Variants in C1orf159 observed in about 807,000 individuals in gnomAD.
C1orf159 encodes the protein chromosome 1 open reading frame 159.
Under a neutral mutation model 25.6 loss-of-function variants are expected in C1orf159, and 19 were observed. That is an observed-to-expected ratio of 0.74 (90% CI 0.52 to 1.09). The LOEUF (loss-of-function observed/expected upper bound fraction) is 1.09. Ranked by LOEUF, C1orf159 falls within the 50% of genes least tolerant of loss-of-function variation. C1orf159 has a pLI of 0.00. For synonymous variants in C1orf159, 139 were observed against 124.7 expected, an observed-to-expected ratio of 1.12 and a Z score of -0.77; for missense variants, 274 against 290.6, an observed-to-expected ratio of 0.94 and a Z score of 0.42.
chr1:1,088,493 C>T (rs879655518), intron 4 of C1orf159, among the ~76,000 whole-genome samples: 55 of 150,258 alleles, frequency 3.7e-4, no homozygotes, highest in African/African-American at 1.2e-3. Flanking sequence ...GTCACCTCCA[C>T]ACCCTGGCAC....
At chr1:1,096,404 G>A (rs1262807379) in intron 1 of C1orf159, among the ~76,000 whole-genome samples, 2 of 151,898 alleles carry the variant, frequency 1.3e-5, no homozygotes, top group Non-Finnish European at 2.9e-5. Flanking sequence ...CTGGCCTCAG[G>A]TGATCCTCCT....
At chr1:1,091,712 TGTG>T in intron 2 of C1orf159, 147 bp from the exon 3 acceptor site, 3 of 301,980 alleles carry the variant, frequency 9.9e-6, no homozygotes, top group South Asian at 7.4e-5. Flanking sequence ...TGGGTGGGGC[TGTG>T]GTGGAGGGTG....
In C1orf159 at chr1:1,089,078, C is replaced by A. The variant is rs796696958; in HGVS notation, c.148+1275G>T. ...GCGCAGCACTGTCCCCAGAAGTGCC[C>A]GCTGCCTCCCCGAGCGGAGACGTGA... On this transcript the variant is annotated intron_variant, in intron 4 of 9. Transcript: ENST00000421241. The surrounding 1 kb of genome is among the most constrained non-coding windows in gnomAD (Gnocchi z 7.5). Among the ~76,000 whole-genome samples, 2 of 152,182 alleles carry A rather than the reference C, an allele frequency of 1.3e-5. No individual in the cohort carries two copies. The highest frequency in any genetic ancestry group is 1.3e-4 in the Admixed American group (2 of 15,284).
At chr1:1,088,208 C>CT (rs1199134460) in intron 4 of C1orf159, among the ~76,000 whole-genome samples, 3 of 96,180 alleles carry the variant, frequency 3.1e-5, no homozygotes, top group Non-Finnish European at 6.4e-5. Context: ...GGACCCCCCC[C>CT]CCATGGCCTC....
rs534904834 is a variant in C1orf159, at chr1:1,089,483, C to T, written c.148+870G>A. 3.3e-5 allele frequency among the ~76,000 whole-genome samples: 5 copies of T among 152,082 alleles called. No homozygotes were observed. The highest frequency in any genetic ancestry group is 2.1e-4 in the South Asian group (1 of 4,828). ...GCGGTGCCCTCCTCCTCCTACCCTG[C>T]GTGTGCCTCAGATGTCATCACTGCC... On this transcript the variant is annotated intron_variant, in intron 4 of 9. Transcript: ENST00000421241. This position sits in a 1 kb window ranked among gnomAD's most constrained non-coding sequence, Gnocchi z 7.5.
At chr1:1,102,071 CAAAAAAA>C (rs1237729417) in intron 1 of C1orf159, among the ~76,000 whole-genome samples, 7 of 39,978 alleles carry the variant, frequency 1.8e-4, no homozygotes, top group South Asian at 1.2e-3. Flanking sequence ...AACTCTGTCT[CAAAAAAA>C]AAAAAAAAAA....
chr1:1,089,879 C>T lies in C1orf159; in HGVS notation c.148+474G>A, dbSNP rs563378717. On this transcript the variant is annotated intron_variant, in intron 4 of 9. Coordinates refer to ENST00000421241, the MANE Select transcript of C1orf159 (RefSeq NM_017891.5). The surrounding 1 kb of genome is among the most constrained non-coding windows in gnomAD (Gnocchi z 7.5). ...GCAGCCTCCCAGAACCTCTGATGAA[C>T]AGGGCCTGCCCGTGGCACGCTGACA... 6.6e-6 allele frequency among the ~76,000 whole-genome samples: 1 copy of T among 152,242 alleles called. No individual in the cohort carries two copies. Among genetic ancestry groups the T allele is most frequent in the Non-Finnish European group, 1.5e-5 (1 of 68,050 alleles).
At chr1:1,091,961 G>C (rs972409038) in intron 2 of C1orf159, 30 bp downstream of exon 2, 12 of 456,866 alleles carry the variant, frequency 2.6e-5, no homozygotes, top group Admixed American at 1.4e-4. Context: ...TTGGAGGCAC[G>C]GGTGGGGCGA....
chr1:1,093,698 CTGCCAG>C (rs1180047370), intron 1 of C1orf159, among the ~76,000 whole-genome samples: 1 of 152,268 alleles, frequency 6.6e-6, no homozygotes, highest in African/African-American at 2.4e-5. Flanking sequence ...TGCCCATCAC[CTGCCAG>C]TGGGTGCCTG....
At position 1,084,366 on chromosome 1, in the gene C1orf159, C is replaced by A. The variant is rs750125410; in HGVS notation, c.489G>T (p.Pro163=). 7.0e-6 allele frequency: 11 copies of A among 1,563,142 alleles called. No individual in the cohort carries two copies. The African/African-American group carries it at 9.6e-5, about 14-fold the overall frequency. The change falls in exon 9 of 10, where the codon CCG becomes CCT. Residue 163 remains proline, a synonymous_variant. Coordinates refer to ENST00000421241, the MANE Select transcript of C1orf159 (RefSeq NM_017891.5). ...QPGEAAAMIP[P]PQSSVRKPRY... is the part of the protein sequence containing the mutation. ...AGCTGCTGTTACCTGAGGACTGTGG[C>A]GGGGGGATCATTGCAGCCTTGAAAA...
At chr1:1,109,980 C>T (rs1338308240) in intron 1 of C1orf159, among the ~76,000 whole-genome samples, 9 of 152,204 alleles carry the variant, frequency 5.9e-5, no homozygotes, top group Non-Finnish European at 1.2e-4. Context: ...TGCCTGGCAG[C>T]GAGCCATCAC....
intron 3 of C1orf159, 65 bp downstream of exon 3, chr1:1,091,402 GGGGAA>G (rs551309425): frequency 0.014 from 19,839 of 1,385,510 alleles, 181 homozygotes; most frequent in Non-Finnish European, 0.018. Flanking sequence ...AGACCCTCTA[GGGGAA>G]GGGCCCACCG....
In C1orf159 at chr1:1,090,350, T is replaced by C; in HGVS notation, c.148+3A>G. On this transcript the variant is annotated splice_donor_region_variant and intron_variant, in intron 4 of 9. Coordinates refer to ENST00000421241, the MANE Select transcript of C1orf159 (RefSeq NM_017891.5). Reference sequence around the variant, plus strand: ...GGAATCTGCTTGGGACAAAGCGGCTTACCTGGACCACACAGACTTGCGCCT... The same window carrying C: ...GGAATCTGCTTGGGACAAAGCGGCTCACCTGGACCACACAGACTTGCGCCT... 1 of 1,550,470 alleles carries C rather than the reference T, an allele frequency of 6.4e-7. No homozygotes were observed. The highest frequency in any genetic ancestry group is 2.0e-5 in the Admixed American group (1 of 51,006).
intron 1 of C1orf159, among the ~76,000 whole-genome samples, chr1:1,098,687 C>T (rs369076513): frequency 6.3e-4 from 96 of 152,248 alleles, no homozygotes; most frequent in South Asian, 5.4e-3. Context: ...GGCACGATCT[C>T]GGGTCACTCC....
At chr1:1,095,368 T>C (rs1422481074) in intron 1 of C1orf159, among the ~76,000 whole-genome samples, 3 of 152,270 alleles carry the variant, frequency 2.0e-5, no homozygotes, top group Admixed American at 1.3e-4. Context: ...GCAGTGTTTA[T>C]AGTTTTCAGT....
Position 1,082,947 on chromosome 1 carries a change from G to C in C1orf159, c.543C>G (p.Asp181Glu). 6.2e-7 allele frequency: 1 copy of C among 1,604,204 alleles called. No individual in the cohort carries two copies. Residue 181 changes from aspartate (D) to glutamate (E), a missense_variant, in exon 10 of 10, where the codon GAC becomes GAG. Physicochemically the swap from Asp to Glu is conservative, Grantham distance 45. Transcript: ENST00000421241. ...PRYVRRERPL[D>E]RATDPAAFPG... ...GGAAGGCAGCGGGATCCGTGGCCCT[G>C]TCCAGGGGCCGCTCCCGCCTGACGT... is the stretch of plus-strand genomic sequence containing the variant.
At chr1:1,101,403 A>C (rs1406627451) in intron 1 of C1orf159, among the ~76,000 whole-genome samples, 1 of 152,180 alleles carries the variant, frequency 6.6e-6, no homozygotes, top group Non-Finnish European at 1.5e-5. Context: ...GAATCGCTTG[A>C]ACCCAGGAGG....
intron 1 of C1orf159, among the ~76,000 whole-genome samples, chr1:1,094,321 C>T (rs372205897): frequency 3.9e-5 from 6 of 152,226 alleles, no homozygotes; most frequent in African/African-American, 2.4e-5. Context: ...TAGAGGTGTG[C>T]GTCACCACCA....
chr1:1,097,574 A>G (rs6699750), intron 1 of C1orf159, among the ~76,000 whole-genome samples: 40,058 of 148,340 alleles, frequency 0.27, 7,018 homozygotes, highest in African/African-American at 0.51. Flanking sequence ...CACCACACCC[A>G]GCTCATTAAA....
Sources: allele counts gnomAD v4.1 joint callset (sites outside exome capture counted in the v4.1 genomes callset), GRCh38; gene constraint gnomAD v4.1.1; non-coding constraint Gnocchi (gnomAD v3.1); transcripts MANE v1.5; gene names NCBI Gene and HGNC (gene_info 2026-07-23, HGNC 2026-07-21).